NFASC: variants seen among roughly 807,000 people sequenced by gnomAD.
NFASC encodes the protein neurofascin homolog.
Under a neutral mutation model 147.5 loss-of-function variants are expected in NFASC, and 43 were observed. The observed-to-expected ratio is 0.29, with a 90% CI of 0.23 to 0.38. NFASC has a LOEUF of 0.38. Ranked by LOEUF, NFASC falls within the 10% of genes least tolerant of loss-of-function variation. The probability of loss-of-function intolerance (pLI) is 1.00; values close to 1 mark genes in which losing one functional copy is unlikely to be tolerated. For synonymous variants in NFASC, 622 were observed against 665.5 expected (o/e 0.93, Z 1.01); for missense variants, 1,320 against 1,689.0 (o/e 0.78, Z 3.83).
At chr1:204,988,997 T>C in intron 23 of NFASC, 191 bp downstream of exon 23, 1 of 616,624 alleles carries the variant, frequency 1.6e-6, no homozygotes, top group Non-Finnish European at 2.9e-6. Flanking sequence ...GGAGCTCAGC[T>C]CTCCTTGGAC....
At chr1:204,860,470 G>A (rs1362320086) in intron 1 of NFASC, among the ~76,000 whole-genome samples, 1 of 152,194 alleles carries the variant, frequency 6.6e-6, no homozygotes, top group Non-Finnish European at 1.5e-5. Context: ...CTGCCTGTGA[G>A]AGCTGCCAAC....
chr1:204,846,365 C>T (rs1246503624), intron 1 of NFASC, among the ~76,000 whole-genome samples: 2 of 152,110 alleles, frequency 1.3e-5, no homozygotes, highest in Non-Finnish European at 2.9e-5. Flanking sequence ...TACCCTTGTT[C>T]CACCAGGTTA....
intron 27 of NFASC, among the ~76,000 whole-genome samples, chr1:205,004,526 T>C (rs1208161832): frequency 6.6e-6 from 1 of 152,202 alleles, no homozygotes. Context: ...TGAGTACATA[T>C]TGTCCACTTC....
intron 5 of NFASC, among the ~76,000 whole-genome samples, chr1:204,953,204 G>A (rs1326349401): frequency 1.3e-5 from 2 of 152,238 alleles, no homozygotes; most frequent in East Asian, 1.9e-4. Flanking sequence ...CTCCCAGGAG[G>A]AGCAGAGGGG....
chr1:204,857,919 C>CTTTTTTTTTT (rs58996261), intron 1 of NFASC, among the ~76,000 whole-genome samples: 1 of 122,562 alleles, frequency 8.2e-6, no homozygotes, highest in African/African-American at 3.3e-5. Context: ...TCTTCTTCTT[C>CTTTTTTTTTT]TTTTTTTTTT....
In NFASC at chr1:204,944,339, C is replaced by G. The variant is rs756770346; in HGVS notation, c.24C>G (p.Pro8=). The G allele has an allele frequency of 3.0e-5, 48 of 1,613,740 alleles. No homozygotes were observed. Among genetic ancestry groups the G allele is most frequent in the Non-Finnish European group, 4.0e-5 (47 of 1,179,932 alleles). MARQPPP[P]WVHAAFLLCL... ...GGATGGCCAGGCAGCCACCGCCGCCCTGGGTCCATGCAGCCTTCCTCCTCT... is the reference window on the plus strand; with the variant it reads ...GGATGGCCAGGCAGCCACCGCCGCCGTGGGTCCATGCAGCCTTCCTCCTCT... Residue 8 remains proline, a synonymous_variant, in exon 3 of 30, where the codon CCC becomes CCG. Coordinates refer to ENST00000339876, the MANE Select transcript of NFASC (RefSeq NM_001005388.3).
At chr1:204,918,395 A>G (rs1229289123) in intron 1 of NFASC, among the ~76,000 whole-genome samples, 1 of 152,126 alleles carries the variant, frequency 6.6e-6, no homozygotes, top group Non-Finnish European at 1.5e-5. Flanking sequence ...GTGTTAGTGT[A>G]TTCTATGTGT....
At chr1:204,922,228 C>T (rs1162295473) in intron 2 of NFASC, among the ~76,000 whole-genome samples, 5 of 152,134 alleles carry the variant, frequency 3.3e-5, no homozygotes, top group African/African-American at 1.2e-4. Context: ...TATCCCTGTC[C>T]CTCCACAGCT....
At chr1:205,004,445 C>T (rs2096064608) in intron 27 of NFASC, among the ~76,000 whole-genome samples, 1 of 152,240 alleles carries the variant, frequency 6.6e-6, no homozygotes, top group Non-Finnish European at 1.5e-5. Context: ...TGATGAAGCA[C>T]TCAGCCCTGG....
At chr1:204,855,636 G>A (rs11240295) in intron 1 of NFASC, among the ~76,000 whole-genome samples, 29,592 of 151,974 alleles carry the variant, frequency 0.19, 4,518 homozygotes, top group East Asian at 0.53. Flanking sequence ...AGAGACTGGA[G>A]GAGAAGAGGC....
rs568614627 is a variant in NFASC at position 204,948,270 on chromosome 1, G to A, written c.92-2287G>A. On this transcript the variant is annotated intron_variant, in intron 3 of 29. Coordinates refer to ENST00000339876, the MANE Select transcript of NFASC (RefSeq NM_001005388.3). Reference sequence around the variant, plus strand: ...GGTGGGAGCTTGGTCACCCTCATCCGTACAAGCTGTCCCCACTGTCTTCTC... The same window carrying A: ...GGTGGGAGCTTGGTCACCCTCATCCATACAAGCTGTCCCCACTGTCTTCTC... Among the ~76,000 whole-genome samples, 20 of 152,348 alleles carry A rather than the reference G, an allele frequency of 1.3e-4. No homozygotes were observed. In the East Asian group the frequency reaches 3.3e-3, roughly 25 times the overall value.
chr1:204,861,527 T>C (rs930732006), intron 1 of NFASC, among the ~76,000 whole-genome samples: 2 of 152,232 alleles, frequency 1.3e-5, no homozygotes, highest in African/African-American at 2.4e-5. Context: ...TCTCGCTCTG[T>C]TGCCCAAGCT....
intron 2 of NFASC, among the ~76,000 whole-genome samples, chr1:204,927,178 A>G (rs978143530): frequency 1.3e-5 from 2 of 152,012 alleles, no homozygotes; most frequent in African/African-American, 4.8e-5. Flanking sequence ...ATTTTAGGAC[A>G]TTTTTATCGC....
intron 15 of NFASC, among the ~76,000 whole-genome samples, chr1:204,976,297 G>T (rs1411462436): frequency 6.6e-6 from 1 of 152,184 alleles, no homozygotes; most frequent in Non-Finnish European, 1.5e-5. Context: ...GACAGACAAA[G>T]CTACAAGTAT....
intron 24 of NFASC, among the ~76,000 whole-genome samples, chr1:204,992,755 G>C (rs1484371088): frequency 1.3e-5 from 2 of 152,224 alleles, no homozygotes; most frequent in Non-Finnish European, 2.9e-5. Flanking sequence ...CACCTCCCCT[G>C]TTCTGGCACC....
Position 204,979,054 on chromosome 1 carries a change from A to C in NFASC, c.1963A>C (p.Asn655His), listed in dbSNP as rs747371432. 6.4e-7 allele frequency: 1 copy of C among 1,560,692 alleles called. No individual in the cohort carries two copies. Among genetic ancestry groups the C allele is most frequent in the Non-Finnish European group, 8.7e-7 (1 of 1,151,590 alleles). The change falls in exon 18 of 30, where the codon AAC becomes CAC. Residue 655 changes from asparagine to histidine, a missense_variant. Coordinates refer to ENST00000339876, the MANE Select transcript of NFASC (RefSeq NM_001005388.3). This position sits in a 1 kb window ranked among gnomAD's most constrained non-coding sequence, Gnocchi z 6.0. Reference sequence around the variant, plus strand: ...GACCTGGATCCCCGGGGATGCTAACAACAGCCCCATCACAGGTAGCTCAGG... The same window carrying C: ...GACCTGGATCCCCGGGGATGCTAACCACAGCCCCATCACAGGTAGCTCAGG... Reference protein sequence around the residue: ...RLTWIPGDANNSPITDYVVQF... With the variant: ...RLTWIPGDANHSPITDYVVQF...
At chr1:204,873,710 A>G (rs546057047) in intron 1 of NFASC, among the ~76,000 whole-genome samples, 1 of 152,258 alleles carries the variant, frequency 6.6e-6, no homozygotes, top group South Asian at 2.1e-4. Context: ...CAGAGAAAAG[A>G]GCCCCTCAGT....
chr1:204,973,848 C>G (rs537190995), intron 12 of NFASC, among the ~76,000 whole-genome samples: 108 of 152,168 alleles, frequency 7.1e-4, no homozygotes, highest in African/African-American at 2.6e-3. Flanking sequence ...ATTTGCTGTA[C>G]CCGCTGGGCA....
chr1:204,936,057 A>AG (rs2092793152), intron 2 of NFASC, among the ~76,000 whole-genome samples: 1 of 152,038 alleles, frequency 6.6e-6, no homozygotes, highest in East Asian at 1.9e-4. Context: ...GGAGAGTGGG[A>AG]GGGGGGTCCT....
Sources: allele counts gnomAD v4.1 joint callset (sites outside exome capture counted in the v4.1 genomes callset), GRCh38; gene constraint gnomAD v4.1.1; non-coding constraint Gnocchi (gnomAD v3.1); transcripts MANE v1.5; gene names NCBI Gene and HGNC (gene_info 2026-07-23, HGNC 2026-07-21).